Variants in RBMS3 observed in about 807,000 individuals in gnomAD.
RBMS3 encodes the protein RNA-binding motif, single-stranded-interacting protein 3.
In RBMS3, 27 loss-of-function variants were observed where a neutral mutation model predicts 66.8. That is an observed-to-expected ratio of 0.40 (90% confidence interval 0.30 to 0.56). The LOEUF (loss-of-function observed/expected upper bound fraction) is 0.56. Among genes scored for constraint, RBMS3 ranks in the 20% least tolerant of loss-of-function variants. The probability of loss-of-function intolerance (pLI) is 0.40; values close to 1 mark genes in which losing one functional copy is unlikely to be tolerated. For missense variants in RBMS3, 513 were observed against 549.5 expected, an observed-to-expected ratio of 0.93 and a Z score of 0.66; for synonymous variants, 188 against 183.0, an observed-to-expected ratio of 1.03 and a Z score of -0.22.
intron 4 of RBMS3, among the ~76,000 whole-genome samples, chr3:29,612,331 T>C (rs2048519979): frequency 6.6e-6 from 1 of 152,200 alleles, no homozygotes; most frequent in South Asian, 2.1e-4. Context: ...CATGCTACTA[T>C]ATATAAAGGT....
chr3:29,996,829 TTGACACCC>T (rs1293962929), intron 14 of RBMS3, among the ~76,000 whole-genome samples: 1 of 152,034 alleles, frequency 6.6e-6, no homozygotes, highest in African/African-American at 2.4e-5. Flanking sequence ...AGATCTAAAA[TTGACACCC>T]TAATATCACA....
intron 3 of RBMS3, among the ~76,000 whole-genome samples, chr3:29,504,417 A>C (rs1273049305): frequency 6.6e-6 from 1 of 152,158 alleles, no homozygotes. Context: ...TTTAAGAGGC[A>C]GTGAGCAGGC....
intron 1 of RBMS3, among the ~76,000 whole-genome samples, chr3:29,356,807 T>C (rs2037247984): frequency 6.6e-6 from 1 of 152,024 alleles, no homozygotes; most frequent in Non-Finnish European, 1.5e-5. Flanking sequence ...CCCCATTTTT[T>C]TCTGCCATAA....
intron 1 of RBMS3, among the ~76,000 whole-genome samples, chr3:29,319,635 A>G (rs1204826769): frequency 6.6e-6 from 1 of 152,040 alleles, no homozygotes; most frequent in Non-Finnish European, 1.5e-5. Flanking sequence ...ACAGATAAGT[A>G]AAATAAGTGT....
At chr3:29,644,668 A>G (rs758024898) in intron 4 of RBMS3, among the ~76,000 whole-genome samples, 4 of 152,316 alleles carry the variant, frequency 2.6e-5, no homozygotes, top group South Asian at 2.1e-4. Context: ...CATCCAATAT[A>G]TTATAATAGT....
rs546934897 is a variant in RBMS3 at position 29,474,663 on chromosome 3, G to A, written c.249-13778G>A. ...AAGTAACTCTCAGAAATAAGTATGCGCTTACCATATAGTAGGGACAGTGCT... is the reference window on the plus strand; with the variant it reads ...AAGTAACTCTCAGAAATAAGTATGCACTTACCATATAGTAGGGACAGTGCT... On this transcript the variant is annotated intron_variant, in intron 2 of 14. Coordinates refer to ENST00000383767, the MANE Select transcript of RBMS3 (RefSeq NM_001003793.3). 1.9e-3 allele frequency among the ~76,000 whole-genome samples: 289 copies of A among 152,312 alleles called. 1 individual carries two copies. The highest frequency in any genetic ancestry group is 6.3e-3 in the African/African-American group (262 of 41,568).
chr3:29,615,990 G>A (rs1484588546), intron 4 of RBMS3: 1 of 152,148 alleles, frequency 6.6e-6, no homozygotes, highest in Non-Finnish European at 1.5e-5. Context: ...TTCAGTTGAG[G>A]GAAAGATAGT....
chr3:29,629,952 T>A (rs1002876021), intron 4 of RBMS3, among the ~76,000 whole-genome samples: 2 of 152,196 alleles, frequency 1.3e-5, no homozygotes, highest in African/African-American at 4.8e-5. Context: ...TCATAGTAGG[T>A]CACAGGAAAT....
chr3:29,820,188 C>CAAA (rs71091078), intron 6 of RBMS3, among the ~76,000 whole-genome samples: 18 of 69,828 alleles, frequency 2.6e-4, no homozygotes, highest in African/African-American at 2.8e-4. Flanking sequence ...GACTTCTTCT[C>CAAA]AAAAAAAAAA....
chr3:29,399,016 G>A (rs1475541652), intron 1 of RBMS3, among the ~76,000 whole-genome samples: 1 of 152,090 alleles, frequency 6.6e-6, no homozygotes, highest in South Asian at 2.1e-4. Flanking sequence ...ATATTCCCAG[G>A]CTGCCAGTGC....
At chr3:29,413,261 T>C (rs1435347541) in intron 1 of RBMS3, among the ~76,000 whole-genome samples, 1 of 152,090 alleles carries the variant, frequency 6.6e-6, no homozygotes, top group African/African-American at 2.4e-5. Flanking sequence ...TCCCAGTTAC[T>C]CAGGAGGCTG....
chr3:29,582,191 T>TAGAC (rs1161239889), intron 3 of RBMS3, among the ~76,000 whole-genome samples: 1 of 144,070 alleles, frequency 6.9e-6, no homozygotes, highest in African/African-American at 2.6e-5. Context: ...GATAGATAGA[T>TAGAC]AGATACACAC....
chr3:29,748,738 T>A (rs909908827), intron 5 of RBMS3, among the ~76,000 whole-genome samples: 1 of 152,168 alleles, frequency 6.6e-6, no homozygotes, highest in Non-Finnish European at 1.5e-5. Context: ...AGTTTTCTCA[T>A]TTCCCTCCAT....
chr3:29,580,613 G>A (rs929318157), intron 3 of RBMS3, among the ~76,000 whole-genome samples: 1 of 150,198 alleles, frequency 6.7e-6, no homozygotes, highest in African/African-American at 2.4e-5. Flanking sequence ...CCATGTTAGA[G>A]TTTTTTTTTC....
Position 30,003,949 on chromosome 3 carries a change from G to T in RBMS3, c.*87G>T. 1 of 1,127,594 alleles carries T rather than the reference G, an allele frequency of 8.9e-7. No homozygotes were observed. The highest frequency in any genetic ancestry group is 1.2e-6 in the Non-Finnish European group (1 of 834,202). 69.8% of individuals were successfully genotyped at this position (1,127,594 alleles called of 1,614,324 possible). A position where few individuals can be genotyped will look rare whatever the true frequency, so the allele number is the denominator to read the frequency against. ...AAGTTGGCTTCCAGTTTGCACAGAC[G>T]TCAATGGAATGCATTTTTTTGTTGT... On this transcript the variant is annotated 3_prime_UTR_variant, in exon 15 of 15. Transcript: ENST00000383767.
intron 6 of RBMS3, among the ~76,000 whole-genome samples, chr3:29,800,099 C>T (rs1365997139): frequency 6.6e-6 from 1 of 152,126 alleles, no homozygotes; most frequent in East Asian, 1.9e-4. Flanking sequence ...GTTTTAACTT[C>T]TTGAAAATTA....
At chr3:29,545,671 A>G (rs1248848833) in intron 3 of RBMS3, among the ~76,000 whole-genome samples, 1 of 152,206 alleles carries the variant, frequency 6.6e-6, no homozygotes, top group Non-Finnish European at 1.5e-5. Flanking sequence ...CTTAAGAGAA[A>G]ATAAAAGATG....
At position 29,991,442 on chromosome 3, in the gene RBMS3, T is replaced by C. The variant is rs72849052; in HGVS notation, c.1307+233T>C. 773 of 551,416 alleles carry C rather than the reference T, an allele frequency of 1.4e-3. 5 individuals carry two copies. The African/African-American group carries it at 0.014, about 10-fold the overall frequency. 34.2% of individuals were successfully genotyped at this position (551,416 alleles called of 1,614,324 possible). On this transcript the variant is annotated intron_variant, in intron 14 of 14. Transcript: ENST00000383767. ...GGAACAGCTGCTGATTATCTATGCATCTCTGCTTCTGGGTGTTGCTAGCTG... is the reference window on the plus strand; with the variant it reads ...GGAACAGCTGCTGATTATCTATGCACCTCTGCTTCTGGGTGTTGCTAGCTG...
chr3:29,621,352 A>G (rs1028548901), intron 4 of RBMS3, among the ~76,000 whole-genome samples: 2 of 152,168 alleles, frequency 1.3e-5, no homozygotes, highest in Admixed American at 1.3e-4. Flanking sequence ...ATGTAGTTAT[A>G]AAGGATGAAC....
Sources: gnomAD v4.1 joint callset for allele counts (sites outside exome capture counted in the v4.1 genomes callset) on GRCh38, gnomAD v4.1.1 for gene constraint, MANE v1.5 for transcripts, NCBI Gene and HGNC (gene_info 2026-07-23, HGNC 2026-07-21) for gene names.